MSANTD7: variants seen among roughly 807,000 people sequenced by gnomAD.
MSANTD7 encodes the protein Myb/SANT DNA binding domain containing 7, also known as zinc finger and SCAN domain containing 29.
the MSANTD7 span, chr10:14,838,503 C>G: frequency 6.5e-7 from 1 of 1,540,996 alleles, no homozygotes; most frequent in East Asian, 2.4e-5. Context: ...GACGGCCACC[C>G]GGTTTTCTGG....
the MSANTD7 span, chr10:14,842,798 C>T: frequency 7.2e-6 from 11 of 1,536,258 alleles, no homozygotes; most frequent in East Asian, 2.4e-5. The surrounding 1 kb of genome is among the most constrained non-coding windows in gnomAD (Gnocchi z 5.2). Context: ...TGACCGGATA[C>T]GAGAAACCAG....
the MSANTD7 span, chr10:14,842,531 A>C: frequency 6.5e-7 from 1 of 1,536,176 alleles, no homozygotes; most frequent in Non-Finnish European, 8.7e-7. This position sits in a 1 kb window ranked among gnomAD's most constrained non-coding sequence, Gnocchi z 5.2. Flanking sequence ...CCATGCCACA[A>C]GTATGGGTGA....
At chr10:14,844,241 C>G in the MSANTD7 span, 2 of 1,097,688 alleles carry the variant, frequency 1.8e-6, no homozygotes, top group Non-Finnish European at 2.3e-6. Flanking sequence ...GCCTACCTCA[C>G]AGGGTTGTTG....
chr10:14,843,388 C>T, the MSANTD7 span: 1 of 1,550,868 alleles, frequency 6.4e-7, no homozygotes. Context: ...TCAAGGGACC[C>T]CCAGCTACAG....
the MSANTD7 span, among the ~76,000 whole-genome samples, chr10:14,839,661 G>C: frequency 3.9e-5 from 6 of 152,144 alleles, no homozygotes; most frequent in Non-Finnish European, 8.8e-5. Context: ...TGTGTAGAAA[G>C]GTTGTTATTA....
chr10:14,843,770 A>AGCTCC, the MSANTD7 span: 19 of 1,536,354 alleles, frequency 1.2e-5, no homozygotes, highest in Non-Finnish European at 1.7e-5. Context: ...ACTGCCAATG[A>AGCTCC]GCTCCGCAGG....
the MSANTD7 span, among the ~76,000 whole-genome samples, chr10:14,839,095 TG>T: frequency 2.6e-5 from 4 of 152,156 alleles, no homozygotes; most frequent in Non-Finnish European, 4.4e-5. Context: ...CAGTTGATGG[TG>T]CGTGGTCTAC....
At chr10:14,845,595 AT>A in the MSANTD7 span, 3 of 909,226 alleles carry the variant, frequency 3.3e-6, no homozygotes, top group Non-Finnish European at 3.9e-6. Context: ...TTCTATTATT[AT>A]TATTTTTTTT....
At chr10:14,839,509 G>A in the MSANTD7 span, among the ~76,000 whole-genome samples, 1 of 151,062 alleles carries the variant, frequency 6.6e-6, no homozygotes, top group East Asian at 1.9e-4. Flanking sequence ...AAGTTGCAGT[G>A]AGCCGAGATC....
the MSANTD7 span, chr10:14,838,323 C>T: frequency 7.1e-7 from 1 of 1,416,798 alleles, no homozygotes; most frequent in Non-Finnish European, 9.7e-7. Context: ...TCCGCGGTGC[C>T]TGATGGGGCC....
chr10:14,838,450 C>G, the MSANTD7 span: 2 of 1,605,292 alleles, frequency 1.2e-6, no homozygotes, highest in Non-Finnish European at 1.7e-6. Context: ...CCTGTGTGGC[C>G]GTCTATAAGG....
chr10:14,846,558 T>C, the MSANTD7 span: 44 of 984,568 alleles, frequency 4.5e-5, no homozygotes, highest in Middle Eastern at 5.2e-4. Context: ...GCCTATGTGG[T>C]AGACCCAACC....
the MSANTD7 span, chr10:14,840,244 CAT>C: frequency 6.4e-6 from 4 of 624,420 alleles, no homozygotes; most frequent in Non-Finnish European, 7.4e-6. Context: ...TTAGAAACAG[CAT>C]AGTTTGTTTC....
chr10:14,838,594 C>A, the MSANTD7 span: 7 of 851,260 alleles, frequency 8.2e-6, no homozygotes, highest in Non-Finnish European at 1.2e-5. Flanking sequence ...GAGGACACTC[C>A]GGAGCGAAGG....
the MSANTD7 span, chr10:14,845,939 T>TA: frequency 2.5e-5 from 20 of 809,050 alleles, no homozygotes; most frequent in Non-Finnish European, 3.0e-5. Context: ...CTTCCAGCTC[T>TA]AAAAAAATTT....
chr10:14,843,530 C>G, the MSANTD7 span: 3 of 1,550,708 alleles, frequency 1.9e-6, no homozygotes, highest in Non-Finnish European at 2.6e-6. Context: ...GCCTCCACAC[C>G]GCAGACTCCA....
At chr10:14,842,692 C>T in the MSANTD7 span, 34 of 1,536,188 alleles carry the variant, frequency 2.2e-5, no homozygotes, top group East Asian at 4.9e-5. The surrounding 1 kb of genome is among the most constrained non-coding windows in gnomAD (Gnocchi z 5.2). Context: ...AAGAGGGAAC[C>T]GGCATTCTAA....
the MSANTD7 span, chr10:14,846,287 C>T: frequency 3.2e-5 from 32 of 985,184 alleles, no homozygotes; most frequent in Middle Eastern, 2.6e-3. Context: ...AGAGTTAGGC[C>T]TGTATTCTAT....
At chr10:14,843,313 T>A in the MSANTD7 span, 2 of 1,544,160 alleles carry the variant, frequency 1.3e-6, no homozygotes, top group African/African-American at 2.7e-5. Flanking sequence ...TGCTGCTGGC[T>A]CCAAGCATTC....
Sources: allele counts gnomAD v4.1 joint callset (sites outside exome capture counted in the v4.1 genomes callset), GRCh38; gene constraint gnomAD v4.1.1; non-coding constraint Gnocchi (gnomAD v3.1); transcripts MANE v1.5; gene names NCBI Gene and HGNC (gene_info 2026-07-23, HGNC 2026-07-21).